Variants in TEKTL1 observed in about 807,000 individuals in gnomAD.
TEKTL1 encodes the protein tektin-like protein 1.
chr19:15,012,503 A>G, the TEKTL1 span, among the ~76,000 whole-genome samples: 1 of 152,136 alleles, frequency 6.6e-6, no homozygotes. Flanking sequence ...TCAAGGCTGT[A>G]GTGAAATATG....
the TEKTL1 span, chr19:15,013,644 T>G: frequency 2.3e-5 from 35 of 1,499,560 alleles, no homozygotes; most frequent in Non-Finnish European, 3.1e-5. Context: ...TTCTTAACGA[T>G]GTGAGGGATT....
the TEKTL1 span, chr19:15,011,096 G>T: frequency 3.2e-6 from 5 of 1,568,008 alleles, no homozygotes; most frequent in South Asian, 5.8e-5. Flanking sequence ...GCCGCCAGGC[G>T]AGGGCGTCAC....
the TEKTL1 span, among the ~76,000 whole-genome samples, chr19:15,016,846 A>G: frequency 2.6e-5 from 4 of 152,204 alleles, no homozygotes; most frequent in Admixed American, 2.0e-4. Flanking sequence ...ACTGTGTTTC[A>G]ATAAAATTTT....
the TEKTL1 span, chr19:15,023,140 C>G: frequency 1.9e-6 from 3 of 1,557,626 alleles, no homozygotes; most frequent in African/African-American, 4.1e-5. Context: ...GTCCCCCGCC[C>G]CAGCCAGCTG....
chr19:15,011,113 G>A, the TEKTL1 span: 1 of 1,557,148 alleles, frequency 6.4e-7, no homozygotes, highest in Non-Finnish European at 8.6e-7. Flanking sequence ...TCACGCTGTG[G>A]AAGGGCAAGA....
chr19:15,018,273 G>T, the TEKTL1 span, among the ~76,000 whole-genome samples: 1 of 152,166 alleles, frequency 6.6e-6, no homozygotes, highest in African/African-American at 2.4e-5. Context: ...AGAATCCTTT[G>T]AACCCGGGAG....
the TEKTL1 span, among the ~76,000 whole-genome samples, chr19:15,012,591 C>T: frequency 2.6e-5 from 4 of 151,970 alleles, no homozygotes; most frequent in Non-Finnish European, 4.4e-5. Context: ...GGATACAGGC[C>T]CAGGAAGAGA....
At chr19:15,012,930 C>G in the TEKTL1 span, among the ~76,000 whole-genome samples, 5 of 151,734 alleles carry the variant, frequency 3.3e-5, no homozygotes, top group African/African-American at 9.7e-5. Context: ...GGTGAAACTC[C>G]CCCCCAGAAT....
chr19:15,023,162 G>GC, the TEKTL1 span: 1 of 1,521,558 alleles, frequency 6.6e-7, no homozygotes, highest in Non-Finnish European at 8.8e-7. Context: ...TTGGATGCTG[G>GC]CTGGGACCTC....
chr19:15,022,114 G>A, the TEKTL1 span, among the ~76,000 whole-genome samples: 1 of 152,022 alleles, frequency 6.6e-6, no homozygotes, highest in Non-Finnish European at 1.5e-5. Flanking sequence ...GTGGGTACTG[G>A]CTCAAATAAG....
chr19:15,021,850 C>T, the TEKTL1 span: 2 of 1,614,120 alleles, frequency 1.2e-6, no homozygotes, highest in Non-Finnish European at 1.7e-6. Flanking sequence ...AAAAGCTGGA[C>T]AGACCCCTGG....
chr19:15,020,879 C>CT, the TEKTL1 span, among the ~76,000 whole-genome samples: 16,004 of 144,776 alleles, frequency 0.11, 1,177 homozygotes, highest in Non-Finnish European at 0.14. Context: ...ACAGGCTCTG[C>CT]TTTTTTTTTT....
chr19:15,021,358 G>A, the TEKTL1 span: 8 of 1,614,032 alleles, frequency 5.0e-6, no homozygotes, highest in East Asian at 8.9e-5. Flanking sequence ...TGCAGCGTGC[G>A]CCTTGGCGCT....
chr19:15,015,709 T>G, the TEKTL1 span, among the ~76,000 whole-genome samples: 1 of 152,074 alleles, frequency 6.6e-6, no homozygotes, highest in East Asian at 1.9e-4. Context: ...TATAAATGAA[T>G]GAAGGAAGGA....
chr19:15,023,069 T>C, the TEKTL1 span: 8 of 1,610,094 alleles, frequency 5.0e-6, no homozygotes, highest in Non-Finnish European at 6.8e-6. Context: ...GGTTAAGGAC[T>C]GGGACCCGCG....
At chr19:15,018,001 C>T in the TEKTL1 span, among the ~76,000 whole-genome samples, 11,296 of 152,032 alleles carry the variant, frequency 0.074, 792 homozygotes, top group African/African-American at 0.19. Flanking sequence ...TCAACACTAG[C>T]CTGAGCAACA....
the TEKTL1 span, among the ~76,000 whole-genome samples, chr19:15,016,453 C>T: frequency 6.6e-6 from 1 of 152,078 alleles, no homozygotes. Context: ...TCCCAAAGTG[C>T]TAGGATTACA....
At chr19:15,022,819 C>T in the TEKTL1 span, 3 of 1,530,742 alleles carry the variant, frequency 2.0e-6, no homozygotes, top group Non-Finnish European at 2.6e-6. Flanking sequence ...TGCCTTCCCA[C>T]GCCAGGTAGC....
At chr19:15,017,801 C>A in the TEKTL1 span, among the ~76,000 whole-genome samples, 5 of 152,150 alleles carry the variant, frequency 3.3e-5, no homozygotes, top group Non-Finnish European at 7.4e-5. Flanking sequence ...TCCCCTCACC[C>A]CACCCCCAAA....
Sources: allele counts gnomAD v4.1 joint callset (sites outside exome capture counted in the v4.1 genomes callset), GRCh38; gene constraint gnomAD v4.1.1; transcripts MANE v1.5; gene names NCBI Gene and HGNC (gene_info 2026-07-23, HGNC 2026-07-21).